ATG7: variants seen among roughly 807,000 people sequenced by gnomAD.
The protein encoded by ATG7 is autophagy related 7.
A neutral mutation model predicts 82.4 loss-of-function variants in ATG7; 70 were observed. The ratio of observed to expected loss-of-function variants is 0.85; its 90% CI spans 0.70 to 1.04. The LOEUF (loss-of-function observed/expected upper bound fraction) is 1.04, where lower values mean the gene tolerates loss of function less well. ATG7 is among the 50% of genes least tolerant of loss of function. The pLI, the probability that ATG7 is intolerant of heterozygous loss-of-function variation, is 0.00. For missense variants in ATG7, 792 were observed against 864.3 expected (o/e 0.92, Z 1.05); for synonymous variants, 287 against 313.0 (o/e 0.92, Z 0.88).
At chr3:11,391,925 G>A (rs1328313471) in intron 19 of ATG7, among the ~76,000 whole-genome samples, 1 of 143,672 alleles carries the variant, frequency 7.0e-6, no homozygotes, top group Non-Finnish European at 1.5e-5. Context: ...TGATGTGGTA[G>A]GATTCATATG....
chr3:11,459,194 A>G (rs1029499431), intron 20 of ATG7, among the ~76,000 whole-genome samples: 7 of 149,812 alleles, frequency 4.7e-5, no homozygotes, highest in Non-Finnish European at 1.0e-4. Flanking sequence ...AAAAAACAGC[A>G]AAAACATCAG....
chr3:11,447,435 C>G (rs1401659170), intron 20 of ATG7, among the ~76,000 whole-genome samples: 1 of 151,728 alleles, frequency 6.6e-6, no homozygotes, highest in African/African-American at 2.4e-5. Context: ...CCATTGCACT[C>G]CAGCCCGGGC....
chr3:11,432,841 G>A (rs1031702565), intron 20 of ATG7, among the ~76,000 whole-genome samples: 2 of 152,072 alleles, frequency 1.3e-5, no homozygotes, highest in African/African-American at 4.8e-5. Flanking sequence ...CCTTTACTGA[G>A]AATGGGTTTG....
chr3:11,551,455 C>G (rs576406815), intron 20 of ATG7, among the ~76,000 whole-genome samples: 17 of 152,376 alleles, frequency 1.1e-4, no homozygotes, highest in African/African-American at 4.1e-4. Context: ...GTGGCTCTAT[C>G]TACTCCAGTT....
chr3:11,378,199 A>G (rs2077577302), intron 18 of ATG7, among the ~76,000 whole-genome samples: 1 of 150,322 alleles, frequency 6.7e-6, no homozygotes, highest in Non-Finnish European at 1.5e-5. Context: ...TATTTTTAGC[A>G]GAGGTGGGGG....
At chr3:11,347,081 C>G (rs1559442102) in intron 13 of ATG7, among the ~76,000 whole-genome samples, 3 of 152,216 alleles carry the variant, frequency 2.0e-5, no homozygotes, top group Non-Finnish European at 1.5e-5. Context: ...ACCCACTGTA[C>G]CCTACCCCAA....
chr3:11,405,064 A>C (rs981702106), intron 19 of ATG7, among the ~76,000 whole-genome samples: 1 of 152,134 alleles, frequency 6.6e-6, no homozygotes, highest in African/African-American at 2.4e-5. Context: ...TTGTTGGCTT[A>C]TTGTTACTTC....
intron 18 of ATG7, among the ~76,000 whole-genome samples, chr3:11,378,568 C>G (rs1025818860): frequency 5.3e-5 from 8 of 149,592 alleles, no homozygotes; most frequent in Non-Finnish European, 8.9e-5. Context: ...GCCTGTAATT[C>G]CAGCTACTCG....
intron 7 of ATG7, among the ~76,000 whole-genome samples, chr3:11,310,268 G>C (rs1409486766): frequency 6.6e-6 from 1 of 152,128 alleles, no homozygotes; most frequent in Non-Finnish European, 1.5e-5. Flanking sequence ...CTTTGGAGCG[G>C]GCATATAAAC....
intron 20 of ATG7, among the ~76,000 whole-genome samples, chr3:11,496,768 C>G (rs983800331): frequency 6.6e-6 from 1 of 152,138 alleles, no homozygotes; most frequent in Non-Finnish European, 1.5e-5. Flanking sequence ...CTTTCTGAAG[C>G]TGGAAAAGAA....
Position 11,442,739 on chromosome 3 carries a change from C to CCAAAAAAAAAAAAAAAAAA in ATG7, c.2079+15813_2079+15814insCAAAAAAAAAAAAAAAAAA, listed in dbSNP as rs1553668928. On this transcript the variant is annotated intron_variant, in intron 20 of 20. Coordinates refer to ENST00000693202, the MANE Select transcript of ATG7 (RefSeq NM_001349232.2). ...GCAGCATAGTGAGACTCCATCTCTA[C>CCAAAAAAAAAAAAAAAAAA]AAAAAAAAAAAAAAAAAAAAAAAAA... Among the ~76,000 whole-genome samples, 19 of 69,252 alleles carry CCAAAAAAAAAAAAAAAAAA rather than the reference C, an allele frequency of 2.7e-4. 5 individuals carry two copies. Among genetic ancestry groups the CCAAAAAAAAAAAAAAAAAA allele is most frequent in the Admixed American group, 9.7e-4 (4 of 4,128 alleles). 45.4% of individuals were successfully genotyped at this position (69,252 alleles called of 152,430 possible). A position where few individuals can be genotyped will look rare whatever the true frequency, so the allele number is the denominator to read the frequency against.
At chr3:11,512,559 G>A (rs984620886) in intron 20 of ATG7, among the ~76,000 whole-genome samples, 3 of 152,236 alleles carry the variant, frequency 2.0e-5, no homozygotes, top group South Asian at 2.1e-4. Context: ...GCCATGGACC[G>A]TCGCAGTGAG....
intron 20 of ATG7, among the ~76,000 whole-genome samples, chr3:11,458,565 G>A (rs184945434): frequency 1.2e-3 from 189 of 152,320 alleles, no homozygotes; most frequent in African/African-American, 4.3e-3. Flanking sequence ...GCCTGGCCTA[G>A]ATTTGGGTTT....
intron 20 of ATG7, among the ~76,000 whole-genome samples, chr3:11,523,162 G>C (rs1286993345): frequency 6.6e-6 from 1 of 152,196 alleles, no homozygotes; most frequent in Admixed American, 6.5e-5. Flanking sequence ...AGGTTGTAAG[G>C]ATTAGTCAGA....
chr3:11,508,335 T>TAA (rs11324728), intron 20 of ATG7, among the ~76,000 whole-genome samples: 32 of 144,942 alleles, frequency 2.2e-4, no homozygotes, highest in Admixed American at 1.2e-3. Context: ...CTGATGAGCT[T>TAA]AAAAAAAAAA....
intron 20 of ATG7, among the ~76,000 whole-genome samples, chr3:11,503,951 A>G (rs1474750184): frequency 2.6e-5 from 4 of 152,122 alleles, no homozygotes; most frequent in Non-Finnish European, 4.4e-5. Context: ...TATTCAAATA[A>G]TAGAGTTTGC....
At chr3:11,327,966 A>G (rs371784722) in intron 9 of ATG7, among the ~76,000 whole-genome samples, 1 of 152,230 alleles carries the variant, frequency 6.6e-6, no homozygotes, top group East Asian at 1.9e-4. Flanking sequence ...GTATGGGAAG[A>G]TGTAGGGCCA....
intron 9 of ATG7, among the ~76,000 whole-genome samples, chr3:11,327,005 G>T (rs907409289): frequency 1.3e-5 from 2 of 152,176 alleles, no homozygotes; most frequent in Admixed American, 6.5e-5. Context: ...GAAGCTTCAG[G>T]TCTGCGTCAG....
At chr3:11,517,410 A>G (rs1288304963) in intron 20 of ATG7, among the ~76,000 whole-genome samples, 1 of 152,160 alleles carries the variant, frequency 6.6e-6, no homozygotes, top group East Asian at 1.9e-4. Flanking sequence ...GGTTCAGGTT[A>G]AGGGAGAGAA....
Sources: allele counts gnomAD v4.1 joint callset (sites outside exome capture counted in the v4.1 genomes callset), GRCh38; gene constraint gnomAD v4.1.1; transcripts MANE v1.5; gene names NCBI Gene and HGNC (gene_info 2026-07-23, HGNC 2026-07-21).